PLCB4: variants seen among roughly 807,000 people sequenced by gnomAD.
PLCB4 encodes the protein 1-phosphatidylinositol 4,5-bisphosphate phosphodiesterase beta-4.
PLCB4 carries 77 observed loss-of-function variants against 178.8 expected under a neutral mutation model. The observed-to-expected ratio is 0.43, with a 90% confidence interval of 0.36 to 0.52. PLCB4 has a LOEUF of 0.52. Among genes scored for constraint, PLCB4 ranks in the 20% least tolerant of loss-of-function variants. The probability of loss-of-function intolerance (pLI) is 0.00; values close to 1 mark genes in which losing one functional copy is unlikely to be tolerated. For missense variants in PLCB4, 1,024 were observed against 1,453.4 expected (o/e 0.70, Z 4.80); for synonymous variants, 496 against 490.8 (o/e 1.01, Z -0.14).
chr20:9,097,807 A>C (rs2090976044), intron 2 of PLCB4, among the ~76,000 whole-genome samples: 1 of 152,174 alleles, frequency 6.6e-6, no homozygotes. Context: ...TCTAGATAGC[A>C]AAAAGTGAAG....
At chr20:9,117,539 A>C (rs993995003) in intron 2 of PLCB4, among the ~76,000 whole-genome samples, 2 of 152,164 alleles carry the variant, frequency 1.3e-5, no homozygotes, top group African/African-American at 4.8e-5. Flanking sequence ...ATTATCTTCA[A>C]AAATTTAAAT....
At chr20:9,087,454 T>G (rs547539656) in intron 1 of PLCB4, among the ~76,000 whole-genome samples, 1 of 152,184 alleles carries the variant, frequency 6.6e-6, no homozygotes, top group South Asian at 2.1e-4. Flanking sequence ...TCCTATAGCT[T>G]TTCAGTCATT....
At chr20:9,401,150 A>G (rs1436361182) in intron 19 of PLCB4, among the ~76,000 whole-genome samples, 1 of 152,220 alleles carries the variant, frequency 6.6e-6, no homozygotes, top group Non-Finnish European at 1.5e-5. Context: ...TTTATGAGTT[A>G]TAGATATTCC....
chr20:9,337,230 G>C (rs754310359), intron 5 of PLCB4, 24 bp downstream of exon 5: 1 of 1,553,236 alleles, frequency 6.4e-7, no homozygotes, highest in Non-Finnish European at 8.9e-7. Context: ...AGAGCAAGTT[G>C]TTCTTTCTGC....
At chr20:9,391,981 C>T (rs963119656) in intron 17 of PLCB4, among the ~76,000 whole-genome samples, 13 of 152,198 alleles carry the variant, frequency 8.5e-5, no homozygotes, top group African/African-American at 1.7e-4. Context: ...TCCAAGTAGA[C>T]GACCTGGTGC....
At chr20:9,436,892 T>A in intron 29 of PLCB4, 110 bp from the exon 30 acceptor site, 1 of 1,000,402 alleles carries the variant, frequency 1.0e-6, no homozygotes, top group South Asian at 1.6e-5. Context: ...AGAGTAGAAG[T>A]CTAGGAAGAG....
intron 1 of PLCB4, among the ~76,000 whole-genome samples, chr20:9,085,078 A>T (rs1439995728): frequency 6.8e-6 from 1 of 148,068 alleles, no homozygotes. Context: ...AGAATATATT[A>T]CTTTTTCTTT....
chr20:9,451,059 G>C lies in PLCB4; in HGVS notation c.2881-2288G>C, dbSNP rs559194303. Among the ~76,000 whole-genome samples, 6 of 152,220 alleles carry C rather than the reference G, an allele frequency of 3.9e-5. No homozygotes were observed. The South Asian group carries it at 6.2e-4, about 16-fold the overall frequency. ...CTGGGACCAGAATCTAAGTCCTCTT[G>C]CTATTTTCCTATGCTGACTTTTTAT... is the stretch of plus-strand genomic sequence containing the variant. On this transcript the variant is annotated intron_variant, in intron 32 of 39. Coordinates refer to ENST00000378473, the MANE Select transcript of PLCB4 (RefSeq NM_001377142.1).
chr20:9,075,200 A>C (rs1465660919), intron 1 of PLCB4, among the ~76,000 whole-genome samples: 1 of 152,202 alleles, frequency 6.6e-6, no homozygotes, highest in Non-Finnish European at 1.5e-5. Context: ...GTAGGCTGAC[A>C]TCAGAACTCC....
intron 2 of PLCB4, among the ~76,000 whole-genome samples, chr20:9,204,610 G>A (rs2093593761): frequency 6.6e-6 from 1 of 152,000 alleles, no homozygotes; most frequent in East Asian, 1.9e-4. Flanking sequence ...TGATCTGCCT[G>A]CTTCAGCCTC....
chr20:9,225,276 T>C (rs541943845), intron 3 of PLCB4, among the ~76,000 whole-genome samples: 1 of 152,326 alleles, frequency 6.6e-6, no homozygotes, highest in South Asian at 2.1e-4. Context: ...AAGAGAAGCA[T>C]TAACCATAAA....
chr20:9,446,588 T>C (rs1484923925), intron 32 of PLCB4, among the ~76,000 whole-genome samples: 1 of 152,154 alleles, frequency 6.6e-6, no homozygotes, highest in Non-Finnish European at 1.5e-5. Context: ...TGTTAACATA[T>C]TGTCTTTAGG....
chr20:9,437,301 C>G (rs756287388), intron 30 of PLCB4, 149 bp downstream of exon 30: 314 of 684,686 alleles, frequency 4.6e-4, no homozygotes, highest in Non-Finnish European at 3.3e-4. Flanking sequence ...CATCCCCACT[C>G]TCTTCCAGAC....
chr20:9,139,352 C>T (rs75926936), intron 2 of PLCB4, among the ~76,000 whole-genome samples: 1 of 152,040 alleles, frequency 6.6e-6, no homozygotes, highest in South Asian at 2.1e-4. Context: ...GGCTGGGGCT[C>T]AAATTCTCTG....
chr20:9,155,734 G>C (rs1247097837), intron 2 of PLCB4, among the ~76,000 whole-genome samples: 1 of 152,114 alleles, frequency 6.6e-6, no homozygotes, highest in Non-Finnish European at 1.5e-5. Context: ...TGGGTTTCCT[G>C]ATCTCACTTG....
At chr20:9,192,523 T>C (rs952661513) in intron 2 of PLCB4, among the ~76,000 whole-genome samples, 1 of 151,306 alleles carries the variant, frequency 6.6e-6, no homozygotes, top group Admixed American at 6.6e-5. Context: ...CTTGAATTTT[T>C]TTTTCTTTTT....
intron 2 of PLCB4, among the ~76,000 whole-genome samples, chr20:9,187,946 T>C (rs1187397479): frequency 6.6e-6 from 1 of 152,222 alleles, no homozygotes; most frequent in Non-Finnish European, 1.5e-5. Context: ...GTTATAAATA[T>C]GGCTCTGGTA....
At chr20:9,415,686 A>G (rs2040192784) in intron 25 of PLCB4, among the ~76,000 whole-genome samples, 1 of 152,046 alleles carries the variant, frequency 6.6e-6, no homozygotes, top group Non-Finnish European at 1.5e-5. Flanking sequence ...CTGTACCAGA[A>G]AGCACCAAAC....
intron 30 of PLCB4, among the ~76,000 whole-genome samples, chr20:9,439,413 A>C (rs1016399321): frequency 1.3e-5 from 2 of 152,200 alleles, no homozygotes; most frequent in Non-Finnish European, 2.9e-5. Flanking sequence ...CACAAAGTGA[A>C]CCAATATTCA....
Sources: gnomAD v4.1 joint callset for allele counts (sites outside exome capture counted in the v4.1 genomes callset) on GRCh38, gnomAD v4.1.1 for gene constraint, MANE v1.5 for transcripts, NCBI Gene and HGNC (gene_info 2026-07-23, HGNC 2026-07-21) for gene names.